The following CRPPA variants were observed in gnomAD, a reference collection of about 807,000 sequenced individuals.
CRPPA encodes D-ribitol-5-phosphate cytidylyltransferase.
In CRPPA, 43 loss-of-function variants were observed where a neutral mutation model predicts 52.0. The ratio of observed to expected loss-of-function variants is 0.83; its 90% CI spans 0.65 to 1.07. The LOEUF is 1.07. CRPPA is among the 50% of genes least tolerant of loss of function. The pLI is 0.00. For missense variants in CRPPA, 629 were observed against 551.7 expected (o/e 1.14, Z -1.40); for synonymous variants, 250 against 203.5 (o/e 1.23, Z -1.94).
intron 1 of CRPPA, among the ~76,000 whole-genome samples, chr7:16,412,214 CA>C (rs1173099765): frequency 6.6e-6 from 1 of 152,122 alleles, no homozygotes; most frequent in East Asian, 1.9e-4. Context: ...CAGTATTTCT[CA>C]AACTGCCAAT....
At chr7:16,234,201 G>C (rs922973789) in intron 8 of CRPPA, among the ~76,000 whole-genome samples, 1 of 151,918 alleles carries the variant, frequency 6.6e-6, no homozygotes, top group Non-Finnish European at 1.5e-5. Flanking sequence ...AATTTATTCT[G>C]GGTTAAATAA....
intron 9 of CRPPA, among the ~76,000 whole-genome samples, chr7:16,201,503 C>A (rs1467775209): frequency 6.6e-6 from 1 of 152,204 alleles, no homozygotes; most frequent in Non-Finnish European, 1.5e-5. Context: ...CTGGACTCAG[C>A]CTCACAGATG....
At chr7:16,285,619 C>T (rs576833074) in intron 5 of CRPPA, among the ~76,000 whole-genome samples, 34 of 152,122 alleles carry the variant, frequency 2.2e-4, no homozygotes, top group African/African-American at 8.2e-4. Flanking sequence ...AGTCTATAGA[C>T]TTATATTGAA....
chr7:16,324,341 C>A (rs1785329983), intron 3 of CRPPA, among the ~76,000 whole-genome samples: 1 of 152,166 alleles, frequency 6.6e-6, no homozygotes, highest in African/African-American at 2.4e-5. Flanking sequence ...AGAAAACAAA[C>A]CTCCTCAGCA....
chr7:16,321,323 A>C (rs952481902), intron 3 of CRPPA, among the ~76,000 whole-genome samples: 6 of 152,266 alleles, frequency 3.9e-5, no homozygotes, highest in African/African-American at 1.4e-4. Context: ...TATTTGATAA[A>C]CTCATCAAAA....
chr7:16,132,077 C>G (rs1487448534), intron 9 of CRPPA, among the ~76,000 whole-genome samples: 1 of 152,094 alleles, frequency 6.6e-6, no homozygotes, highest in African/African-American at 2.4e-5. Flanking sequence ...CTTGGGGAAC[C>G]ACCTCCTGCC....
chr7:16,286,097 A>AAAAAAAAATATAT lies in CRPPA; in HGVS notation c.836-7872_836-7871insATATATTTTTTTT. Among the ~76,000 whole-genome samples, 169 of 39,112 alleles carry AAAAAAAAATATAT rather than the reference A, an allele frequency of 4.3e-3. 17 individuals are homozygous for AAAAAAAAATATAT. Among genetic ancestry groups the AAAAAAAAATATAT allele is most frequent in the Non-Finnish European group, 5.0e-3 (123 of 24,642 alleles). The allele number at this position is 39,112 out of a possible 152,430, so 25.7% of individuals were successfully genotyped here. On this transcript the variant is annotated intron_variant, in intron 5 of 9. Coordinates refer to ENST00000407010, the MANE Select transcript of CRPPA (RefSeq NM_001101426.4). ...TATATATATAATATTTAAAAAAAAA[A>AAAAAAAAATATAT]ATATATATATATATATATATGCCAA...
chr7:16,249,507 C>A (rs142339169), intron 8 of CRPPA, among the ~76,000 whole-genome samples: 1 of 152,326 alleles, frequency 6.6e-6, no homozygotes, highest in Non-Finnish European at 1.5e-5. Flanking sequence ...GGGTGCCCCT[C>A]TGGGACAAAG....
At chr7:16,348,009 C>T (rs953315616) in intron 3 of CRPPA, among the ~76,000 whole-genome samples, 10 of 152,066 alleles carry the variant, frequency 6.6e-5, no homozygotes, top group Non-Finnish European at 1.0e-4. Flanking sequence ...TAAATAGCTC[C>T]CCATTTCTCT....
intron 9 of CRPPA, among the ~76,000 whole-genome samples, chr7:16,183,771 C>A (rs939360208): frequency 7.2e-5 from 11 of 152,150 alleles, no homozygotes; most frequent in African/African-American, 2.6e-4. Context: ...AGAGAATGCT[C>A]AAAGGAAGGT....
At chr7:16,335,658 C>T (rs1785662894) in intron 3 of CRPPA, among the ~76,000 whole-genome samples, 1 of 152,086 alleles carries the variant, frequency 6.6e-6, no homozygotes, top group Non-Finnish European at 1.5e-5. Context: ...GCAAACTAAT[C>T]TTTGCATAAT....
chr7:16,203,303 T>A (rs990444667), intron 9 of CRPPA, among the ~76,000 whole-genome samples: 5 of 152,126 alleles, frequency 3.3e-5, no homozygotes, highest in African/African-American at 1.2e-4. Flanking sequence ...CCCACCCTTA[T>A]TCTCGTTCAT....
intron 3 of CRPPA, among the ~76,000 whole-genome samples, chr7:16,327,578 C>T (rs1408061242): frequency 1.6e-5 from 2 of 123,270 alleles, no homozygotes; most frequent in African/African-American, 3.2e-5. Context: ...CCGGCCTGGG[C>T]GACAGAGCGA....
At chr7:16,322,472 A>G (rs1583518085) in intron 3 of CRPPA, among the ~76,000 whole-genome samples, 1 of 152,288 alleles carries the variant, frequency 6.6e-6, no homozygotes. Flanking sequence ...ACAGCCTAGA[A>G]AAACAGAACT....
rs192197190 is a variant in CRPPA, at chr7:16,223,199, G to T, written c.1120-7002C>A. On this transcript the variant is annotated intron_variant, in intron 8 of 9. Transcript: ENST00000407010. ...TCACTACATACCCACATGCCAGCTG[G>T]ACTAAGGAACAATGCCGCTGCTTAA... Among the ~76,000 whole-genome samples, 3 of 152,262 alleles carry T rather than the reference G, an allele frequency of 2.0e-5. No homozygotes were observed. In the East Asian group the frequency reaches 5.8e-4, roughly 29 times the overall value.
intron 2 of CRPPA, among the ~76,000 whole-genome samples, chr7:16,387,373 G>C (rs75455047): frequency 0.013 from 1,929 of 151,902 alleles, 69 homozygotes; most frequent in South Asian, 0.1. Flanking sequence ...CATGTATACT[G>C]TAGGTCCTAG....
chr7:16,363,388 C>T (rs1786508078), intron 3 of CRPPA, among the ~76,000 whole-genome samples: 1 of 152,142 alleles, frequency 6.6e-6, no homozygotes, highest in African/African-American at 2.4e-5. Flanking sequence ...ATCCAATAGT[C>T]TGAAACATTG....
intron 9 of CRPPA, among the ~76,000 whole-genome samples, chr7:16,164,575 A>G (rs1781006466): frequency 6.6e-6 from 1 of 152,088 alleles, no homozygotes. Context: ...GATCCTTTGG[A>G]GGAGAAGAGG....
chr7:16,384,659 T>C (rs1009463097), intron 2 of CRPPA, among the ~76,000 whole-genome samples: 1 of 152,236 alleles, frequency 6.6e-6, no homozygotes. Flanking sequence ...GACTATATAA[T>C]ACTCAAGTGT....
Sources: allele counts gnomAD v4.1 joint callset (sites outside exome capture counted in the v4.1 genomes callset), GRCh38; gene constraint gnomAD v4.1.1; transcripts MANE v1.5; gene names NCBI Gene and HGNC (gene_info 2026-07-23, HGNC 2026-07-21).